The following PCDH15 variants were observed in gnomAD, a reference collection of about 807,000 sequenced individuals.
The protein encoded by PCDH15 is protocadherin related 15.
PCDH15 carries 129 observed loss-of-function variants against 178.5 expected under a neutral mutation model. The observed-to-expected ratio is 0.72, with a 90% CI of 0.63 to 0.84. The LOEUF (loss-of-function observed/expected upper bound fraction) is 0.84. Among genes scored for constraint, PCDH15 ranks in the 40% least tolerant of loss-of-function variants. PCDH15 has a pLI of 0.00. For missense variants in PCDH15, 2,230 were observed against 2,099.9 expected (o/e 1.06, Z -1.21); for synonymous variants, 800 against 732.0 (o/e 1.09, Z -1.50).
chr10:54,912,138 C>T (rs932683464), intron 2 of PCDH15, among the ~76,000 whole-genome samples: 2 of 151,902 alleles, frequency 1.3e-5, no homozygotes, highest in African/African-American at 4.8e-5. Flanking sequence ...CAGTGAGTAC[C>T]ATTCCATAGT....
chr10:54,798,628 T>A (rs1405348997), intron 1 of PCDH15, among the ~76,000 whole-genome samples: 1 of 152,060 alleles, frequency 6.6e-6, no homozygotes, highest in African/African-American at 2.4e-5. Context: ...ACTCTTAAAA[T>A]AGAGTCTGAA....
intron 1 of PCDH15, among the ~76,000 whole-genome samples, chr10:55,172,409 A>G (rs1201827012): frequency 6.6e-6 from 1 of 152,000 alleles, no homozygotes; most frequent in African/African-American, 2.4e-5. Flanking sequence ...ATAGGGCATA[A>G]TATCCTAGAA....
chr10:54,681,850 G>T (rs1354937369), intron 1 of PCDH15, among the ~76,000 whole-genome samples: 1 of 152,150 alleles, frequency 6.6e-6, no homozygotes, highest in Non-Finnish European at 1.5e-5. Context: ...AGACAAAACA[G>T]GAGAGAGAAT....
At chr10:54,853,318 T>TATATATATATATATACACACAC (rs1194965974) in intron 3 of PCDH15, among the ~76,000 whole-genome samples, 2 of 102,054 alleles carry the variant, frequency 2.0e-5, no homozygotes, top group Admixed American at 2.5e-4. Context: ...TATATATATA[T>TATATATATATATATACACACAC]ACATACACAC....
At chr10:53,968,986 A>G (rs1181367902) in intron 21 of PCDH15, among the ~76,000 whole-genome samples, 5 of 152,220 alleles carry the variant, frequency 3.3e-5, no homozygotes, top group Non-Finnish European at 7.3e-5. Context: ...GCAATGGAAC[A>G]AAGCTGGATG....
intron 3 of PCDH15, among the ~76,000 whole-genome samples, chr10:54,481,407 ATGTG>A (rs137969568): frequency 6.6e-6 from 1 of 151,238 alleles, no homozygotes; most frequent in African/African-American, 2.4e-5. Flanking sequence ...TGATAAATAT[ATGTG>A]TGTGTGTGTG....
At chr10:54,195,965 A>T in intron 10 of PCDH15, 76 bp from the exon 11 acceptor site, 2 of 1,302,508 alleles carry the variant, frequency 1.5e-6, no homozygotes, top group Admixed American at 3.7e-5. Flanking sequence ...TTTTCATGCA[A>T]TATATAGGGT....
intron 6 of PCDH15, among the ~76,000 whole-genome samples, chr10:54,345,853 G>A (rs1273650046): frequency 7.3e-6 from 1 of 136,572 alleles, no homozygotes; most frequent in Non-Finnish European, 1.6e-5. Flanking sequence ...CTTGTCTAAT[G>A]GAAAAAAAGG....
At chr10:55,168,868 A>T (rs11004767) in intron 1 of PCDH15, among the ~76,000 whole-genome samples, 21,653 of 152,122 alleles carry the variant, frequency 0.14, 1,673 homozygotes, top group East Asian at 0.25. Flanking sequence ...GACTTTTAAA[A>T]CATTTCTGAT....
chr10:53,919,634 G>A (rs1376341950), intron 25 of PCDH15, among the ~76,000 whole-genome samples: 1 of 152,124 alleles, frequency 6.6e-6, no homozygotes, highest in African/African-American at 2.4e-5. Flanking sequence ...GATTCAGACT[G>A]AACCCGTAAC....
Position 54,590,126 on chromosome 10 carries a change from T to C in PCDH15, c.92-62249A>G, listed in dbSNP as rs977562277. Among the ~76,000 whole-genome samples the C allele has an allele frequency of 8.5e-5, 13 of 152,300 alleles. No homozygotes were observed. The South Asian group carries it at 2.3e-3, about 27-fold the overall frequency. On this transcript the variant is annotated intron_variant, in intron 2 of 37. Transcript: ENST00000644397. ...AGATTAAAGTGTTATTAAGGATTAATTTAATGTTATTTTATTCCATTTAGT... is the reference window on the plus strand; with the variant it reads ...AGATTAAAGTGTTATTAAGGATTAACTTAATGTTATTTTATTCCATTTAGT...
In PCDH15 at chr10:55,418,093, T is replaced by C. The variant is rs1321660998; in HGVS notation, c.-156+209532A>G. ...GTGCTTTGGACTCAAAGCATCTAAA[T>C]CATAACAAAAGGAAATGTAATCATA... On this transcript the variant is annotated intron_variant, in intron 2 of 5. Transcript: ENST00000613346. Among the ~76,000 whole-genome samples, 5 of 151,520 alleles carry C rather than the reference T, an allele frequency of 3.3e-5. No individual in the cohort carries two copies. The Admixed American group carries it at 3.3e-4, about 10-fold the overall frequency.
intron 9 of PCDH15, among the ~76,000 whole-genome samples, chr10:54,216,007 C>A (rs1314453031): frequency 8.0e-6 from 1 of 125,752 alleles, no homozygotes; most frequent in Non-Finnish European, 1.6e-5. Flanking sequence ...CGTACCACTG[C>A]ACTACAGCCT....
At chr10:54,529,109 G>A (rs891472858) in intron 2 of PCDH15, among the ~76,000 whole-genome samples, 1 of 151,662 alleles carries the variant, frequency 6.6e-6, no homozygotes, top group Non-Finnish European at 1.5e-5. Context: ...CATTTATTAT[G>A]TACATATACA....
chr10:55,476,489 A>G lies in PCDH15; in HGVS notation c.-156+151136T>C, dbSNP rs1460807735. Among the ~76,000 whole-genome samples, 18 of 152,006 alleles carry G rather than the reference A, an allele frequency of 1.2e-4. 1 individual carries two copies. The highest frequency in any genetic ancestry group is 1.1e-3 in the Admixed American group (17 of 15,234). ...AAATATTCCAAGAATATTCTCTTTT[A>G]CTTAGGAAGTTAAAATGGAATGGAA... On this transcript the variant is annotated intron_variant, in intron 2 of 5. Coordinates refer to the PCDH15 transcript ENST00000613346.
At chr10:54,159,188 C>T (rs1412468220) in intron 13 of PCDH15, among the ~76,000 whole-genome samples, 1 of 151,800 alleles carries the variant, frequency 6.6e-6, no homozygotes, top group African/African-American at 2.4e-5. Context: ...GCCTCTTGGG[C>T]ATCCTTGGCT....
chr10:54,864,872 C>G (rs548868171), intron 3 of PCDH15: 1 of 152,160 alleles, frequency 6.6e-6, no homozygotes, highest in African/African-American at 2.4e-5. Context: ...GAAGGAACAC[C>G]CCATTATTTC....
At chr10:55,096,758 T>C (rs927900065) in intron 2 of PCDH15, among the ~76,000 whole-genome samples, 7 of 152,134 alleles carry the variant, frequency 4.6e-5, no homozygotes, top group African/African-American at 1.7e-4. Context: ...GTCTGACTTA[T>C]TTCATGTAGC....
intron 3 of PCDH15, among the ~76,000 whole-genome samples, chr10:54,525,864 C>T (rs1368194230): frequency 6.6e-6 from 1 of 152,190 alleles, no homozygotes; most frequent in Non-Finnish European, 1.5e-5. Flanking sequence ...GATTAAAGCA[C>T]TACATTATAA....
Sources: gnomAD v4.1 joint callset for allele counts (sites outside exome capture counted in the v4.1 genomes callset) on GRCh38, gnomAD v4.1.1 for gene constraint, MANE v1.5 for transcripts, NCBI Gene and HGNC (gene_info 2026-07-23, HGNC 2026-07-21) for gene names.